Variants in PIK3R2 observed in about 807,000 individuals in gnomAD.
The protein encoded by PIK3R2 is phosphatidylinositol 3-kinase regulatory subunit beta.
In PIK3R2, 40 loss-of-function variants were observed where a neutral mutation model predicts 78.5. The ratio of observed to expected loss-of-function variants is 0.51; its 90% CI spans 0.40 to 0.66. The LOEUF (loss-of-function observed/expected upper bound fraction) is 0.66, where lower values mean the gene tolerates loss of function less well. PIK3R2 is among the 30% of genes least tolerant of loss of function. The probability of loss-of-function intolerance (pLI) is 0.00; values close to 1 mark genes in which losing one functional copy is unlikely to be tolerated. For synonymous variants in PIK3R2, 473 were observed against 457.7 expected, an observed-to-expected ratio of 1.03 and a Z score of -0.43; for missense variants, 880 against 1,026.6, an observed-to-expected ratio of 0.86 and a Z score of 1.95.
chr19:18,163,316 C>CT lies in PIK3R2; in HGVS notation c.1345dup (p.Tyr449LeufsTer13). ...AGGCAGTGGGCGCCCAGCTTAAGGTCTATCACCAGCAGTACCAGGACAAGA... is the reference window on the plus strand; with the variant it reads ...AGGCAGTGGGCGCCCAGCTTAAGGTCTTATCACCAGCAGTACCAGGACAAGA... On this transcript the variant is annotated frameshift_variant, in exon 11 of 16. Transcript: ENST00000222254. LOFTEE classifies it high-confidence loss of function. 6.2e-7 allele frequency: 1 copy of CT among 1,614,050 alleles called. No homozygotes were observed. The highest frequency in any genetic ancestry group is 1.7e-5 in the Admixed American group (1 of 60,002).
chr19:18,160,589 C>A, intron 3 of PIK3R2, 26 bp downstream of exon 3: 1 of 1,537,746 alleles, frequency 6.5e-7, no homozygotes, highest in South Asian at 1.1e-5. Context: ...GCTGCAGCCC[C>A]TGGATTCTGC....
chr19:18,167,126 A>G lies in PIK3R2; in HGVS notation c.1560-4A>G, dbSNP rs2043817365. ...GTCTCTGCGCCACCCCACCCCTCCC[A>G]CAGGATCCTGCTGAACTCCGAGCGG... On this transcript the variant is annotated splice_region_variant and splice_polypyrimidine_tract_variant and intron_variant, in intron 12 of 15. Coordinates refer to ENST00000222254, the MANE Select transcript of PIK3R2 (RefSeq NM_005027.4). This position sits in a 1 kb window ranked among gnomAD's most constrained non-coding sequence, Gnocchi z 4.5. 1 of 1,567,180 alleles carries G rather than the reference A, an allele frequency of 6.4e-7. No homozygotes were observed. The highest frequency in any genetic ancestry group is 8.7e-7 in the Non-Finnish European group (1 of 1,153,770).
rs373112291 is a variant in PIK3R2 at position 18,167,316 on chromosome 19, G to C, written c.1736+10G>C. 1 of 1,566,022 alleles carries C rather than the reference G, an allele frequency of 6.4e-7. No homozygotes were observed. The highest frequency in any genetic ancestry group is 8.7e-7 in the Non-Finnish European group (1 of 1,154,456). ...GAGACCAGTACCTCGTGTAAGTGGC[G>C]GCTCCATACTTCCCTGCGGCTCCCT... On this transcript the variant is annotated intron_variant, in intron 13 of 15. Coordinates refer to ENST00000222254, the MANE Select transcript of PIK3R2 (RefSeq NM_005027.4). This position sits in a 1 kb window ranked among gnomAD's most constrained non-coding sequence, Gnocchi z 4.5.
intron 11 of PIK3R2, among the ~76,000 whole-genome samples, chr19:18,164,381 C>T (rs2043785062): frequency 6.6e-6 from 1 of 152,092 alleles, no homozygotes. Flanking sequence ...AGGGCGCGCA[C>T]CTCTAATCCC....
At position 18,161,227 on chromosome 19, in the gene PIK3R2, C is replaced by A. The variant is rs556014963; in HGVS notation, c.598+42C>A. ...GCCCGGGGGAAGGAGGGGGCTGTAG[C>A]GGGTGGGAGGGCCCAGGCCTGGCTC... On this transcript the variant is annotated intron_variant, in intron 5 of 15. Coordinates refer to ENST00000222254, the MANE Select transcript of PIK3R2 (RefSeq NM_005027.4). The surrounding 1 kb of genome is among the most constrained non-coding windows in gnomAD (Gnocchi z 5.3). The A allele has an allele frequency of 1.3e-6, 2 of 1,518,334 alleles. No individual in the cohort carries two copies. The highest frequency in any genetic ancestry group is 2.3e-4 in the Middle Eastern group (1 of 4,362). The allele number at this position is 1,518,334 out of a possible 1,614,324, so 94.1% of individuals were successfully genotyped here. A position where few individuals can be genotyped will look rare whatever the true frequency, so the allele number is the denominator to read the frequency against.
chr19:18,155,153 C>T (rs2043663340), intron 1 of PIK3R2, among the ~76,000 whole-genome samples: 1 of 140,126 alleles, frequency 7.1e-6, no homozygotes, highest in South Asian at 2.3e-4. Flanking sequence ...GCTGAGATCA[C>T]ACCACTGCAC....
At chr19:18,153,981 T>C (rs2147942906) in intron 1 of PIK3R2, among the ~76,000 whole-genome samples, 2 of 152,272 alleles carry the variant, frequency 1.3e-5, no homozygotes, top group South Asian at 4.1e-4. Context: ...GGACACCTCT[T>C]GGGGTTCCCC....
chr19:18,158,513 C>CAAAA lies in PIK3R2; in HGVS notation c.323-1956_323-1955insAAAA, dbSNP rs1233680425. Among the ~76,000 whole-genome samples the CAAAA allele has an allele frequency of 1.8e-3, 266 of 146,522 alleles. 2 individuals are homozygous for CAAAA. The highest frequency in any genetic ancestry group is 2.8e-3 in the African/African-American group (111 of 39,416). ...CTCAAAAAAACAACAACAACAACAACAACAAAAAACGAGGAGGCCAAGGCA... is the reference window on the plus strand; with the variant it reads ...CTCAAAAAAACAACAACAACAACAACAAAAAACAAAAAACGAGGAGGCCAAGGCA... On this transcript the variant is annotated intron_variant, in intron 2 of 15. Coordinates refer to ENST00000222254, the MANE Select transcript of PIK3R2 (RefSeq NM_005027.4).
intron 11 of PIK3R2, among the ~76,000 whole-genome samples, chr19:18,164,245 G>A (rs755550887): frequency 6.6e-6 from 1 of 152,242 alleles, no homozygotes; most frequent in Non-Finnish European, 1.5e-5. Context: ...GACCTGGGGA[G>A]TGTCCAGGAT....
Position 18,169,278 on chromosome 19 carries a change from C to G in PIK3R2, c.2171C>G (p.Pro724Arg), listed in dbSNP as rs1239460949. 6.6e-7 allele frequency: 1 copy of G among 1,506,966 alleles called. No individual in the cohort carries two copies. Among genetic ancestry groups the G allele is most frequent in the Non-Finnish European group, 8.8e-7 (1 of 1,134,182 alleles). 93.3% of individuals were successfully genotyped at this position (1,506,966 alleles called of 1,614,324 possible). Residue 724 changes from proline to arginine, a missense_variant, in exon 16 of 16, where the codon CCG becomes CGG. By Grantham distance (103) the Pro-to-Arg change is moderately radical. Transcript: ENST00000222254. Reference protein sequence around the residue: ...HPVRAPGPGPPPAAR With the variant: ...HPVRAPGPGPRPAAR The stretch of plus-strand genomic sequence containing the variant: ...GTGCGCGCCCCGGGCCCCGGCCCGC[C>G]GCCTGCCGCCCGCTGAGCACCGAGG...
chr19:18,156,071 A>T lies in PIK3R2; in HGVS notation c.192A>T (p.Thr64=), dbSNP rs2147945129. ...GGATGCCCGGCCTCAACGAGCGCAC[A>T]CGGCAGCGAGGTGACTTCCCTGGCA... The part of the protein sequence containing the change: ...VGWMPGLNER[T]RQRGDFPGTY... The change falls in exon 2 of 16, where the codon ACA becomes ACT. Residue 64 remains threonine, a synonymous_variant. Coordinates refer to ENST00000222254, the MANE Select transcript of PIK3R2 (RefSeq NM_005027.4). The surrounding 1 kb of genome is among the most constrained non-coding windows in gnomAD (Gnocchi z 4.2). The T allele has an allele frequency of 6.4e-7, 1 of 1,562,728 alleles. No homozygotes were observed. The highest frequency in any genetic ancestry group is 8.7e-7 in the Non-Finnish European group (1 of 1,154,532).
intron 11 of PIK3R2, among the ~76,000 whole-genome samples, chr19:18,164,641 T>TTC (rs869244959): frequency 1.6e-5 from 1 of 64,336 alleles, no homozygotes; most frequent in Non-Finnish European, 4.5e-5. Context: ...TTTTGTTTTG[T>TTC]TTTTTTTTTT....
chr19:18,168,730 TACG>T lies in PIK3R2; in HGVS notation c.1814_1816del (p.Tyr605_Ala606delinsSer). On this transcript the variant is annotated inframe_deletion, in exon 15 of 16. Transcript: ENST00000222254. This position sits in a 1 kb window ranked among gnomAD's most constrained non-coding sequence, Gnocchi z 4.1. ...CGCCACCGCCCCCCACCCCAGCCAG[TACG>T]CACTCATGGAGGACGAGGACGATCT... The T allele has an allele frequency of 6.3e-7, 1 of 1,575,642 alleles. No homozygotes were observed. Among genetic ancestry groups the T allele is most frequent in the Non-Finnish European group, 8.7e-7 (1 of 1,146,210 alleles).
At chr19:18,166,707 CA>C (rs34888009) in intron 12 of PIK3R2, among the ~76,000 whole-genome samples, 192 of 81,672 alleles carry the variant, frequency 2.4e-3, no homozygotes, top group African/African-American at 4.4e-3. Context: ...AAGACTGTCT[CA>C]AAAAAAAAAA....
rs775944558 is a variant in PIK3R2, at chr19:18,161,182, C to T, written c.595C>T (p.Arg199Trp). Residue 199 changes from arginine (R) to tryptophan (W), a missense_variant, in exon 5 of 16, where the codon CGG becomes TGG. By Grantham distance (101) the Arg-to-Trp change is moderately radical. Around this residue, in one of 3 missense-constraint regions of PIK3R2, gnomAD observed 456 missense variants for 486.6 expected, o/e 0.94. Transcript: ENST00000222254. The surrounding 1 kb of genome is among the most constrained non-coding windows in gnomAD (Gnocchi z 5.3). ...EASAEARRALREAAGPVGPAL... is the reference protein window; with the variant it reads ...EASAEARRALWEAAGPVGPAL... ...CTCGGCCGAGGCGCGCCGGGCCCTGCGGGGTGAGCCTGGCGGGTAGCCCGG... is the reference window on the plus strand; with the variant it reads ...CTCGGCCGAGGCGCGCCGGGCCCTGTGGGGTGAGCCTGGCGGGTAGCCCGG... 7.1e-6 allele frequency: 11 copies of T among 1,545,536 alleles called. No individual in the cohort carries two copies. Among genetic ancestry groups the T allele is most frequent in the Admixed American group, 5.9e-5 (3 of 50,796 alleles).
Position 18,162,421 on chromosome 19 carries a change from G to C in PIK3R2, c.1024G>C (p.Glu342Gln). The C allele has an allele frequency of 1.2e-6, 2 of 1,613,494 alleles. No homozygotes were observed. Among genetic ancestry groups the C allele is most frequent in the Non-Finnish European group, 1.7e-6 (2 of 1,179,952 alleles). The change falls in exon 9 of 16, where the codon GAG becomes CAG. Residue 342 changes from glutamate (E) to glutamine (Q), a missense_variant. Around this residue, in one of 3 missense-constraint regions of PIK3R2, gnomAD observed 156 missense variants for 241.0 expected, o/e 0.65. Coordinates refer to ENST00000222254, the MANE Select transcript of PIK3R2 (RefSeq NM_005027.4). ...ATGTTCCCACAGGGAGGAGGTGAAC[G>C]AGAAACTCCGGGACACTCCCGATGG... is the stretch of plus-strand genomic sequence containing the variant. Reference protein sequence around the residue: ...WGDISREEVNEKLRDTPDGTF... With the variant: ...WGDISREEVNQKLRDTPDGTF...
At chr19:18,153,686 T>TC (rs2043646916) in intron 1 of PIK3R2, among the ~76,000 whole-genome samples, 1 of 152,110 alleles carries the variant, frequency 6.6e-6, no homozygotes, top group African/African-American at 2.4e-5. Context: ...GGTGGCCGGG[T>TC]CCACGCAGAC....
At position 18,162,187 on chromosome 19, in the gene PIK3R2, T is replaced by C; in HGVS notation, c.902-15T>C. ...CAGTCGGTGCTCAGGATGCATTTGT[T>C]TTCCTGTCCCCCAGCGCTGCCGCCT... On this transcript the variant is annotated splice_polypyrimidine_tract_variant and intron_variant, in intron 7 of 15. Coordinates refer to ENST00000222254, the MANE Select transcript of PIK3R2 (RefSeq NM_005027.4). The C allele has an allele frequency of 6.7e-7, 1 of 1,485,556 alleles. No individual in the cohort carries two copies. The allele number at this position is 1,485,556 out of a possible 1,614,324, so 92.0% of individuals were successfully genotyped here.
chr19:18,155,423 C>T, intron 1 of PIK3R2, 34 bp from the exon 2 acceptor site: 2 of 390,840 alleles, frequency 5.1e-6, no homozygotes, highest in Non-Finnish European at 9.0e-6. Context: ...GAGGAGTTGG[C>T]CTGGCTAACG....
Sources: allele counts gnomAD v4.1 joint callset (sites outside exome capture counted in the v4.1 genomes callset), GRCh38; gene constraint gnomAD v4.1.1; regional missense constraint gnomAD v4.1.1; non-coding constraint Gnocchi (gnomAD v3.1); transcripts MANE v1.5; gene names NCBI Gene and HGNC (gene_info 2026-07-23, HGNC 2026-07-21).